B3GALT1: variants seen among roughly 807,000 people sequenced by gnomAD.
B3GALT1 encodes beta-1,3-galactosyltransferase 1.
A neutral mutation model predicts 23.2 loss-of-function variants in B3GALT1; 10 were observed. That is an observed-to-expected ratio of 0.43 (90% confidence interval 0.27 to 0.73). The LOEUF (loss-of-function observed/expected upper bound fraction) is 0.73, where lower values mean the gene tolerates loss of function less well. Ranked by LOEUF, B3GALT1 falls within the 30% of genes least tolerant of loss-of-function variation. The probability of loss-of-function intolerance (pLI) is 0.21; values close to 1 mark genes in which losing one functional copy is unlikely to be tolerated. For synonymous variants in B3GALT1, 156 were observed against 141.5 expected (o/e 1.10, Z -0.73); for missense variants, 299 against 405.4 (o/e 0.74, Z 2.25).
intron 2 of B3GALT1, among the ~76,000 whole-genome samples, chr2:167,556,705 A>T (rs1161767130): frequency 6.6e-6 from 1 of 152,186 alleles, no homozygotes; most frequent in Non-Finnish European, 1.5e-5. Flanking sequence ...CCTCATTTTC[A>T]TTGGTCAAGG....
chr2:167,560,581 C>T (rs979528874), intron 2 of B3GALT1, among the ~76,000 whole-genome samples: 2 of 152,054 alleles, frequency 1.3e-5, no homozygotes, highest in Non-Finnish European at 2.9e-5. Flanking sequence ...CAGAGACACA[C>T]ATAGGCTCAA....
chr2:167,517,192 C>T (rs1700111045), intron 2 of B3GALT1, among the ~76,000 whole-genome samples: 1 of 151,758 alleles, frequency 6.6e-6, no homozygotes, highest in Non-Finnish European at 1.5e-5. Flanking sequence ...GTTAAAACAT[C>T]ACTTGCTACT....
chr2:167,709,450 A>G (rs1047439941), intron 3 of B3GALT1, among the ~76,000 whole-genome samples: 10 of 152,200 alleles, frequency 6.6e-5, no homozygotes, highest in African/African-American at 2.2e-4. Context: ...ATAAACCCCT[A>G]TTCTAACTGG....
chr2:167,487,290 T>C (rs574680668), intron 1 of B3GALT1, among the ~76,000 whole-genome samples: 2 of 152,240 alleles, frequency 1.3e-5, no homozygotes, highest in South Asian at 2.1e-4. Flanking sequence ...GAAGGTAATG[T>C]TGTGCGTGTT....
At chr2:167,680,895 T>C (rs995261772) in intron 3 of B3GALT1, among the ~76,000 whole-genome samples, 2 of 152,198 alleles carry the variant, frequency 1.3e-5, no homozygotes, top group Non-Finnish European at 2.9e-5. Flanking sequence ...AAAAATCTGA[T>C]CCGATATCAG....
At chr2:167,649,524 A>C (rs1558936720) in intron 3 of B3GALT1, among the ~76,000 whole-genome samples, 1 of 152,110 alleles carries the variant, frequency 6.6e-6, no homozygotes, top group Non-Finnish European at 1.5e-5. Flanking sequence ...CAAATTCTAG[A>C]TATTTCATAT....
chr2:167,426,266 G>C (rs1574073863), intron 1 of B3GALT1, among the ~76,000 whole-genome samples: 1 of 147,976 alleles, frequency 6.8e-6, no homozygotes, highest in South Asian at 2.1e-4. Context: ...TTCAGGATTT[G>C]TTTATCATTC....
chr2:167,501,893 T>A (rs1699854184), intron 2 of B3GALT1, among the ~76,000 whole-genome samples: 1 of 152,196 alleles, frequency 6.6e-6, no homozygotes, highest in African/African-American at 2.4e-5. Context: ...ATATGACATT[T>A]ATGGCAAGAC....
At chr2:167,429,211 G>A (rs886213395) in intron 1 of B3GALT1, among the ~76,000 whole-genome samples, 17 of 151,254 alleles carry the variant, frequency 1.1e-4, no homozygotes, top group Non-Finnish European at 2.1e-4. Flanking sequence ...AACCCAGGAG[G>A]CAGAGCTTGC....
chr2:167,440,343 TGAA>T lies in B3GALT1; in HGVS notation c.-510-49833_-510-49831del, dbSNP rs1232996155. The stretch of plus-strand genomic sequence containing the variant: ...CTGGGTAACAGAGCGAGACTCTGTC[TGAA>T]AAAAAAAAAAAAAAAAAAGAAATAA... On this transcript the variant is annotated intron_variant, in intron 1 of 4. Transcript: ENST00000392690. Among the ~76,000 whole-genome samples the T allele has an allele frequency of 7.1e-3, 751 of 105,654 alleles. 8 individuals carry two copies. Among genetic ancestry groups the T allele is most frequent in the African/African-American group, 0.035 (717 of 20,290 alleles). 69.3% of individuals were successfully genotyped at this position (105,654 alleles called of 152,430 possible).
chr2:167,390,894 A>G (rs942695574), intron 1 of B3GALT1, among the ~76,000 whole-genome samples: 6 of 152,216 alleles, frequency 3.9e-5, no homozygotes, highest in African/African-American at 9.6e-5. Context: ...ACTACCACAT[A>G]TAGAGCATCC....
intron 3 of B3GALT1, among the ~76,000 whole-genome samples, chr2:167,704,054 G>GGGCA (rs1487117503): frequency 3.3e-5 from 5 of 151,894 alleles, no homozygotes; most frequent in African/African-American, 4.8e-5. Context: ...GGTATCAGGC[G>GGGCA]CCTGTAGTCC....
intron 3 of B3GALT1, among the ~76,000 whole-genome samples, chr2:167,683,779 C>A (rs1025052431): frequency 6.6e-6 from 1 of 151,990 alleles, no homozygotes; most frequent in Non-Finnish European, 1.5e-5. Context: ...CAAAGACAAT[C>A]CAGCTTCTGA....
chr2:167,645,866 C>T (rs1574187882), intron 2 of B3GALT1, among the ~76,000 whole-genome samples: 1 of 152,026 alleles, frequency 6.6e-6, no homozygotes, highest in Non-Finnish European at 1.5e-5. Flanking sequence ...CCACCACACC[C>T]GGCCCAATAA....
intron 2 of B3GALT1, among the ~76,000 whole-genome samples, chr2:167,520,591 G>T (rs532058055): frequency 6.6e-6 from 1 of 152,062 alleles, no homozygotes; most frequent in South Asian, 2.1e-4. Flanking sequence ...CTTGAGCATC[G>T]CAAAAAAACC....
At chr2:167,739,260 G>T (rs1055803576) in intron 3 of B3GALT1, among the ~76,000 whole-genome samples, 6 of 152,194 alleles carry the variant, frequency 3.9e-5, no homozygotes, top group African/African-American at 9.6e-5. Flanking sequence ...CTCACATGTA[G>T]CTCTGCTCTA....
intron 1 of B3GALT1, among the ~76,000 whole-genome samples, chr2:167,344,915 G>A (rs564947547): frequency 1.3e-5 from 2 of 152,202 alleles, no homozygotes; most frequent in African/African-American, 4.8e-5. Flanking sequence ...AGCAAGATAA[G>A]GTTAGTGATT....
intron 2 of B3GALT1, among the ~76,000 whole-genome samples, chr2:167,572,274 T>C (rs1437954874): frequency 6.6e-6 from 1 of 151,864 alleles, no homozygotes; most frequent in African/African-American, 2.4e-5. Flanking sequence ...ACGGAAAATA[T>C]GTAAATGCTA....
intron 1 of B3GALT1, among the ~76,000 whole-genome samples, chr2:167,447,220 G>A (rs1464535561): frequency 6.6e-6 from 1 of 152,162 alleles, no homozygotes; most frequent in Non-Finnish European, 1.5e-5. Flanking sequence ...CGTTCCTCTG[G>A]AAGCTTCGTC....
Sources: gnomAD v4.1 joint callset for allele counts (sites outside exome capture counted in the v4.1 genomes callset) on GRCh38, gnomAD v4.1.1 for gene constraint, MANE v1.5 for transcripts, NCBI Gene and HGNC (gene_info 2026-07-23, HGNC 2026-07-21) for gene names.